Variants in DNAH8 observed in about 807,000 individuals in gnomAD.
DNAH8 encodes dynein axonemal heavy chain 8.
In DNAH8, 382 loss-of-function variants were observed where a neutral mutation model predicts 562.1. The ratio of observed to expected loss-of-function variants is 0.68; its 90% CI spans 0.63 to 0.74. The LOEUF (loss-of-function observed/expected upper bound fraction) is 0.74, where lower values mean the gene tolerates loss of function less well. DNAH8 is among the 30% of genes least tolerant of loss of function. The pLI is 0.00. For missense variants in DNAH8, 5,203 were observed against 5,620.4 expected (o/e 0.93, Z 2.37); for synonymous variants, 1,881 against 1,919.4 (o/e 0.98, Z 0.52).
intron 5 of DNAH8, among the ~76,000 whole-genome samples, 198 bp from the exon 6 acceptor site, chr6:38,736,869 T>C (rs1229361622): frequency 6.6e-6 from 1 of 152,104 alleles, no homozygotes; most frequent in Non-Finnish European, 1.5e-5. Flanking sequence ...GATGAGCAAA[T>C]ATGGGAATAA....
intron 88 of DNAH8, among the ~76,000 whole-genome samples, chr6:38,995,961 G>A (rs1269014685): frequency 1.3e-5 from 2 of 152,172 alleles, no homozygotes; most frequent in Non-Finnish European, 2.9e-5. Context: ...CTGTTATATG[G>A]TGGTTATACT....
At chr6:38,778,491 G>C (rs1271589520) in intron 14 of DNAH8, 27 bp downstream of exon 14, 16 of 1,272,608 alleles carry the variant, frequency 1.3e-5, no homozygotes, top group Non-Finnish European at 1.8e-5. Context: ...AAGCAGAGTA[G>C]TTTCTGGGGG....
At chr6:38,839,859 A>C (rs1262719061) in intron 33 of DNAH8, among the ~76,000 whole-genome samples, 3 of 152,124 alleles carry the variant, frequency 2.0e-5, no homozygotes, top group African/African-American at 7.2e-5. Context: ...ACGGGGTTTC[A>C]TCATGTTGGT....
At chr6:38,877,877 A>G (rs948457717) in intron 53 of DNAH8, among the ~76,000 whole-genome samples, 1 of 152,242 alleles carries the variant, frequency 6.6e-6, no homozygotes, top group African/African-American at 2.4e-5. Context: ...GACAATAGGC[A>G]CTACTGGACT....
chr6:39,008,729 G>A (rs1342211765), intron 88 of DNAH8, 85 bp from the exon 89 acceptor site: 12 of 505,476 alleles, frequency 2.4e-5, no homozygotes, highest in Non-Finnish European at 3.2e-5. Flanking sequence ...TGATTTAAGT[G>A]ATTCTATCAG....
intron 71 of DNAH8, among the ~76,000 whole-genome samples, chr6:38,921,752 G>A (rs1042000093): frequency 6.6e-6 from 1 of 152,186 alleles, no homozygotes; most frequent in African/African-American, 2.4e-5. Context: ...TGTGTGGTTT[G>A]GGGCTTTCAC....
chr6:38,844,546 C>T (rs1775125802), intron 35 of DNAH8, among the ~76,000 whole-genome samples: 2 of 152,118 alleles, frequency 1.3e-5, no homozygotes, highest in Admixed American at 6.5e-5. Context: ...CTTTGGTGAC[C>T]ATCTCCTTCT....
rs556998646 is a variant in DNAH8, at chr6:38,898,209, C to T, written c.8941-49C>T. 5 of 1,497,834 alleles carry T rather than the reference C, an allele frequency of 3.3e-6. No homozygotes were observed. The South Asian group carries it at 3.9e-5, about 12-fold the overall frequency. The allele number at this position is 1,497,834 out of a possible 1,614,324, so 92.8% of individuals were successfully genotyped here. On this transcript the variant is annotated intron_variant, in intron 60 of 92. Coordinates refer to ENST00000327475, the MANE Select transcript of DNAH8 (RefSeq NM_001206927.2). ...TGTCTTTACAATTGCTACTTTAATACATACTTGGATCTTAAATATTATTTT... is the reference window on the plus strand; with the variant it reads ...TGTCTTTACAATTGCTACTTTAATATATACTTGGATCTTAAATATTATTTT...
chr6:38,863,987 G>A lies in DNAH8; in HGVS notation c.6425G>A (p.Arg2142Lys). ...ATTGTTTTGACAGCAAGAAAAGAAA[G>A]AAAGAAACAGTTCATTTTTTCTGAT... ...IYIVLTARKE[R>K]KKQFIFSDGD... Residue 2142 changes from arginine (R) to lysine (K), a missense_variant, in exon 45 of 93, where the codon AGA becomes AAA. Physicochemically the swap from Arg to Lys is conservative, Grantham distance 26. This residue lies in a region of DNAH8 where 2,176 missense variants were observed against 2,365.1 expected (regional missense o/e 0.92). Coordinates refer to ENST00000327475, the MANE Select transcript of DNAH8 (RefSeq NM_001206927.2). The A allele has an allele frequency of 1.2e-6, 2 of 1,611,712 alleles. No individual in the cohort carries two copies. Among genetic ancestry groups the A allele is most frequent in the Non-Finnish European group, 1.7e-6 (2 of 1,179,508 alleles).
intron 45 of DNAH8, among the ~76,000 whole-genome samples, chr6:38,865,350 A>G (rs997689794): frequency 6.6e-6 from 1 of 152,238 alleles, no homozygotes; most frequent in Non-Finnish European, 1.5e-5. Flanking sequence ...AAGTGGGATG[A>G]AGAAATGTAC....
chr6:38,847,012 C>G (rs1398710053), intron 36 of DNAH8, among the ~76,000 whole-genome samples: 1 of 152,130 alleles, frequency 6.6e-6, no homozygotes, highest in Non-Finnish European at 1.5e-5. Flanking sequence ...AAAGCCTGTT[C>G]CAGAACTAAC....
intron 88 of DNAH8, among the ~76,000 whole-genome samples, chr6:39,002,038 A>G (rs1001903060): frequency 2.0e-5 from 3 of 152,192 alleles, no homozygotes; most frequent in Admixed American, 2.0e-4. Context: ...ATGTCACTAA[A>G]GTAGATGGGG....
intron 73 of DNAH8, among the ~76,000 whole-genome samples, chr6:38,924,565 T>C (rs889169804): frequency 1.3e-5 from 2 of 152,064 alleles, no homozygotes; most frequent in Non-Finnish European, 2.9e-5. Context: ...AAGATTGTTT[T>C]GAAAGTGCTT....
Position 39,012,282 on chromosome 6 carries a change from A to G in DNAH8, c.13439A>G (p.Asp4480Gly). 1 of 1,612,388 alleles carries G rather than the reference A, an allele frequency of 6.2e-7. No individual in the cohort carries two copies. The highest frequency in any genetic ancestry group is 1.7e-4 in the Middle Eastern group (1 of 6,056). ...SMNIFLRQEI[D>G]RMQRVISILR... ...AACATATTTCTTAGACAAGAAATTG[A>G]CAGAATGCAAAGAGTCATTTCAATA... Residue 4480 changes from aspartate to glycine, a missense_variant, in exon 90 of 93, where the codon GAC becomes GGC. Physicochemically the swap from Asp to Gly is moderately conservative, Grantham distance 94. This residue lies in a region of DNAH8 where 1,399 missense variants were observed against 1,518.4 expected (regional missense o/e 0.92). Coordinates refer to ENST00000327475, the MANE Select transcript of DNAH8 (RefSeq NM_001206927.2).
At chr6:38,715,909 AATAAATAAATAAATAAATATATATATAT>A (rs1269511842) in intron 1 of DNAH8, among the ~76,000 whole-genome samples, 1 of 48,382 alleles carries the variant, frequency 2.1e-5, no homozygotes, top group African/African-American at 1.3e-4. Flanking sequence ...TATTAAAATA[AATAAATAAATAAATAAATATATATATAT>A]ATATATATAT....
At chr6:38,908,625 T>C (rs1256156166) in intron 64 of DNAH8, among the ~76,000 whole-genome samples, 1 of 152,242 alleles carries the variant, frequency 6.6e-6, no homozygotes, top group Non-Finnish European at 1.5e-5. Context: ...TGATCATGGC[T>C]CACTGCAGCA....
intron 71 of DNAH8, among the ~76,000 whole-genome samples, chr6:38,922,018 A>G (rs1031579731): frequency 6.7e-6 from 1 of 149,066 alleles, no homozygotes; most frequent in African/African-American, 2.4e-5. Flanking sequence ...GGAATTTCAC[A>G]AGGTAATGTC....
chr6:38,823,536 A>G, intron 27 of DNAH8, 26 bp from the exon 28 acceptor site: 2 of 1,556,494 alleles, frequency 1.3e-6, no homozygotes, highest in Non-Finnish European at 1.8e-6. Flanking sequence ...TAAAAAATTA[A>G]AATATTGACT....
At chr6:38,971,199 G>A (rs999270628) in intron 82 of DNAH8, among the ~76,000 whole-genome samples, 6 of 152,124 alleles carry the variant, frequency 3.9e-5, no homozygotes, top group Non-Finnish European at 7.4e-5. Flanking sequence ...CTAAAACGCC[G>A]AAAAGGATTC....
Sources: gnomAD v4.1 joint callset for allele counts (sites outside exome capture counted in the v4.1 genomes callset) on GRCh38, gnomAD v4.1.1 for gene constraint, gnomAD v4.1.1 regional missense constraint, MANE v1.5 for transcripts, NCBI Gene and HGNC (gene_info 2026-07-23, HGNC 2026-07-21) for gene names.